The following NELL1 variants were observed in gnomAD, a reference collection of about 807,000 sequenced individuals.
NELL1 encodes the protein protein kinase C-binding protein NELL1.
Under a neutral mutation model 107.4 loss-of-function variants are expected in NELL1, and 76 were observed. That is an observed-to-expected ratio of 0.71 (90% CI 0.59 to 0.86). The LOEUF is 0.86. Among genes scored for constraint, NELL1 ranks in the 40% least tolerant of loss-of-function variants. The pLI, the probability that NELL1 is intolerant of heterozygous loss-of-function variation, is 0.00. For missense variants in NELL1, 1,024 were observed against 1,005.5 expected (o/e 1.02, Z -0.25); for synonymous variants, 353 against 341.2 (o/e 1.03, Z -0.38).
At chr11:20,677,893 C>A (rs373944785) in intron 1 of NELL1, 39 bp from the exon 2 acceptor site, 32 of 1,610,980 alleles carry the variant, frequency 2.0e-5, no homozygotes, top group Middle Eastern at 3.3e-4. Flanking sequence ...TAGTAACAGT[C>A]TGCATTTTAA....
intron 13 of NELL1, among the ~76,000 whole-genome samples, chr11:21,201,538 G>T (rs1488820486): frequency 6.6e-6 from 1 of 152,114 alleles, no homozygotes; most frequent in Non-Finnish European, 1.5e-5. Context: ...AGAGATGTTG[G>T]GGTTTTCTAA....
At chr11:20,713,415 C>A (rs1855161271) in intron 2 of NELL1, among the ~76,000 whole-genome samples, 2 of 152,052 alleles carry the variant, frequency 1.3e-5, no homozygotes, top group African/African-American at 4.8e-5. Flanking sequence ...TTATGGCTGC[C>A]TCTTCTGTGT....
At chr11:21,501,895 T>C (rs1855154277) in intron 15 of NELL1, among the ~76,000 whole-genome samples, 2 of 152,196 alleles carry the variant, frequency 1.3e-5, no homozygotes, top group South Asian at 4.1e-4. Context: ...TTTTGCACTT[T>C]TCTCCCAAGT....
chr11:21,554,758 A>C (rs1192230950), intron 16 of NELL1, among the ~76,000 whole-genome samples: 1 of 151,842 alleles, frequency 6.6e-6, no homozygotes, highest in African/African-American at 2.4e-5. Context: ...CAAGACTCAG[A>C]GATGTTAGGT....
At chr11:21,071,135 T>C (rs931135204) in intron 12 of NELL1, among the ~76,000 whole-genome samples, 8 of 152,210 alleles carry the variant, frequency 5.3e-5, no homozygotes, top group Non-Finnish European at 8.8e-5. Context: ...CCCCATTCGC[T>C]GTGTAATCTT....
intron 2 of NELL1, among the ~76,000 whole-genome samples, chr11:20,701,082 A>T (rs112916877): frequency 0.09 from 13,729 of 152,242 alleles, 820 homozygotes; most frequent in Non-Finnish European, 0.13. Flanking sequence ...AGGAATCGCC[A>T]CACTGTCTTC....
At chr11:20,918,158 C>A in intron 5 of NELL1, 24 bp from the exon 6 acceptor site, 3 of 1,393,374 alleles carry the variant, frequency 2.2e-6, no homozygotes, top group Non-Finnish European at 3.1e-6. Flanking sequence ...ATCTTGATTG[C>A]CACCTGTCTC....
intron 3 of NELL1, among the ~76,000 whole-genome samples, chr11:20,840,967 A>G (rs1194306033): frequency 6.6e-6 from 1 of 152,208 alleles, no homozygotes; most frequent in African/African-American, 2.4e-5. Context: ...TAGACTAGCA[A>G]TAACTTGTGC....
chr11:20,691,529 T>G (rs1023249131), intron 2 of NELL1, among the ~76,000 whole-genome samples: 1 of 152,120 alleles, frequency 6.6e-6, no homozygotes, highest in African/African-American at 2.4e-5. Flanking sequence ...TTTTTTGCAT[T>G]TATTGAGATA....
intron 4 of NELL1, among the ~76,000 whole-genome samples, chr11:20,867,350 GA>G (rs2134082744): frequency 6.6e-6 from 1 of 152,316 alleles, no homozygotes; most frequent in Admixed American, 6.5e-5. Flanking sequence ...GTAATGCATG[GA>G]AAGCAGCTGG....
chr11:21,030,185 T>A (rs1852918555), intron 12 of NELL1, among the ~76,000 whole-genome samples: 1 of 152,198 alleles, frequency 6.6e-6, no homozygotes, highest in African/African-American at 2.4e-5. Context: ...AACAGGCATC[T>A]TGTATGAGAA....
rs1241700457 is a variant in NELL1, at chr11:20,940,175, T to TCCTC, written c.1071+2326_1071+2329dup. Among the ~76,000 whole-genome samples, 29 of 151,776 alleles carry TCCTC rather than the reference T, an allele frequency of 1.9e-4. No homozygotes were observed. The South Asian group carries it at 5.9e-3, about 31-fold the overall frequency. On this transcript the variant is annotated intron_variant, in intron 10 of 19. Coordinates refer to ENST00000357134, the MANE Select transcript of NELL1 (RefSeq NM_006157.5). ...GTGCTCGCTCTCTCTCTCCCTCCCT[T>TCCTC]CCTCCCTCCCTCCGTCCCTCTCTCT... is the stretch of plus-strand genomic sequence containing the variant.
intron 14 of NELL1, among the ~76,000 whole-genome samples, chr11:21,252,405 C>T (rs892781352): frequency 1.3e-5 from 2 of 152,050 alleles, no homozygotes; most frequent in Non-Finnish European, 2.9e-5. Flanking sequence ...GATCAGGGAT[C>T]CAGAAGCACA....
intron 15 of NELL1, among the ~76,000 whole-genome samples, chr11:21,480,041 A>G (rs1240552616): frequency 1.3e-5 from 2 of 152,164 alleles, no homozygotes; most frequent in African/African-American, 4.8e-5. Context: ...CTTGCTCAGA[A>G]GTAAACAGAA....
intron 3 of NELL1, among the ~76,000 whole-genome samples, chr11:20,844,817 A>G (rs1848676856): frequency 1.3e-5 from 2 of 152,210 alleles, no homozygotes; most frequent in Admixed American, 6.5e-5. Context: ...GGTTATCCCA[A>G]TAATCTGAAT....
At chr11:20,849,428 G>A (rs2134059861) in intron 4 of NELL1, among the ~76,000 whole-genome samples, 1 of 152,232 alleles carries the variant, frequency 6.6e-6, no homozygotes, top group East Asian at 1.9e-4. Flanking sequence ...ATCAATGGCA[G>A]CTCTTTGACC....
chr11:21,249,598 T>A (rs1051603345), intron 14 of NELL1, among the ~76,000 whole-genome samples: 4 of 152,172 alleles, frequency 2.6e-5, no homozygotes, highest in African/African-American at 9.7e-5. Context: ...TTTGAAAACT[T>A]AAAAGTGCAG....
At chr11:21,301,151 A>G (rs1002780238) in intron 14 of NELL1, among the ~76,000 whole-genome samples, 6 of 152,132 alleles carry the variant, frequency 3.9e-5, no homozygotes, top group Non-Finnish European at 7.4e-5. Flanking sequence ...TCATTGATGG[A>G]CATTTGAGTT....
At chr11:21,160,463 T>G (rs1590692375) in intron 13 of NELL1, among the ~76,000 whole-genome samples, 1 of 152,214 alleles carries the variant, frequency 6.6e-6, no homozygotes, top group South Asian at 2.1e-4. Flanking sequence ...GGGTATGTTT[T>G]AATTTCATTG....
Sources: gnomAD v4.1 joint callset for allele counts (sites outside exome capture counted in the v4.1 genomes callset) on GRCh38, gnomAD v4.1.1 for gene constraint, MANE v1.5 for transcripts, NCBI Gene and HGNC (gene_info 2026-07-23, HGNC 2026-07-21) for gene names.